The following LOXL2 variants were observed in gnomAD, a reference collection of about 807,000 sequenced individuals.
The protein encoded by LOXL2 is lysyl oxidase homolog 2.
Under a neutral mutation model 93.0 loss-of-function variants are expected in LOXL2, and 70 were observed. That is an observed-to-expected ratio of 0.75 (90% confidence interval 0.62 to 0.92). The LOEUF is 0.92. LOXL2 is among the 40% of genes least tolerant of loss of function. LOXL2 has a pLI of 0.00. For synonymous variants in LOXL2, 438 were observed against 413.2 expected (o/e 1.06, Z -0.73); for missense variants, 973 against 1,054.9 (o/e 0.92, Z 1.08).
At chr8:23,341,415 A>G in intron 3 of LOXL2, 1 of 587,954 alleles carries the variant, frequency 1.7e-6, no homozygotes, top group Non-Finnish European at 3.0e-6. Context: ...AGTGAGGCTG[A>G]AAGGACCCAA....
intron 1 of LOXL2, among the ~76,000 whole-genome samples, chr8:23,379,175 G>C (rs992376979): frequency 6.6e-6 from 1 of 152,218 alleles, no homozygotes; most frequent in African/African-American, 2.4e-5. Flanking sequence ...TCAGCTGCAG[G>C]TCTGTTGGAG....
At chr8:23,299,415 T>C (rs1473174814) in intron 12 of LOXL2, among the ~76,000 whole-genome samples, 2 of 152,148 alleles carry the variant, frequency 1.3e-5, no homozygotes, top group African/African-American at 4.8e-5. Flanking sequence ...TTCCTCTCTC[T>C]GTAAAGTGAC....
intron 4 of LOXL2, among the ~76,000 whole-genome samples, chr8:23,335,892 T>A (rs535354662): frequency 6.6e-6 from 1 of 152,328 alleles, no homozygotes; most frequent in East Asian, 1.9e-4. Flanking sequence ...ACAATTCTAG[T>A]GTGCTTGTGA....
chr8:23,321,853 G>T, intron 7 of LOXL2: 1 of 401,974 alleles, frequency 2.5e-6, no homozygotes, highest in Non-Finnish European at 4.5e-6. Context: ...GTCTTTGGAG[G>T]TGGTGGGGCA....
intron 1 of LOXL2, among the ~76,000 whole-genome samples, chr8:23,372,546 A>G (rs1037580358): frequency 6.6e-6 from 1 of 152,166 alleles, no homozygotes; most frequent in African/African-American, 2.4e-5. Flanking sequence ...CTTAGAAGAG[A>G]CACAGAGGCT....
intron 1 of LOXL2, among the ~76,000 whole-genome samples, chr8:23,383,481 A>G (rs1804708008): frequency 6.6e-6 from 1 of 152,084 alleles, no homozygotes; most frequent in African/African-American, 2.4e-5. Flanking sequence ...CCGAGTGAAT[A>G]AATATAAATT....
At chr8:23,383,283 G>A (rs1804705513) in intron 1 of LOXL2, among the ~76,000 whole-genome samples, 1 of 152,028 alleles carries the variant, frequency 6.6e-6, no homozygotes, top group South Asian at 2.1e-4. Context: ...TATATTAAGA[G>A]CCTCAATTTC....
chr8:23,309,074 T>C (rs1803279687), intron 10 of LOXL2, among the ~76,000 whole-genome samples: 1 of 151,146 alleles, frequency 6.6e-6, no homozygotes, highest in South Asian at 2.1e-4. Flanking sequence ...AACCTCCGCC[T>C]CCTGGGTTCA....
At chr8:23,320,320 T>C (rs10095102) in intron 7 of LOXL2, among the ~76,000 whole-genome samples, 110,390 of 152,190 alleles carry the variant, frequency 0.73, 40,192 homozygotes, top group Non-Finnish European at 0.76. Context: ...CTGCTCCCCA[T>C]GAGCCTATCA....
chr8:23,346,792 A>G (rs1325935369), intron 3 of LOXL2, among the ~76,000 whole-genome samples: 1 of 152,180 alleles, frequency 6.6e-6, no homozygotes, highest in African/African-American at 2.4e-5. Flanking sequence ...CTGTTCTAGA[A>G]GTCATAATTT....
intron 9 of LOXL2, among the ~76,000 whole-genome samples, chr8:23,310,370 T>C (rs1803305053): frequency 6.6e-6 from 1 of 152,274 alleles, no homozygotes; most frequent in African/African-American, 2.4e-5. Flanking sequence ...CTTGGTCTGC[T>C]GCTTCTGGGA....
Position 23,380,391 on chromosome 8 carries a change from C to CAAAAAAAAA in LOXL2, c.-83-11966_-83-11958dup, listed in dbSNP as rs1219621037. On this transcript the variant is annotated intron_variant, in intron 1 of 13. Transcript: ENST00000389131. ...CTCGTGACAGAGCGAGACTCCGTCT[C>CAAAAAAAAA]AAAAAAAAAAAAAAAAAAAAGACAT... 4.4e-4 allele frequency among the ~76,000 whole-genome samples: 24 copies of CAAAAAAAAA among 54,380 alleles called. 1 individual carries two copies. The East Asian group carries it at 0.011, about 24-fold the overall frequency. The allele number at this position is 54,380 out of a possible 152,430, so 35.7% of individuals were successfully genotyped here. A position where few individuals can be genotyped will look rare whatever the true frequency, so the allele number is the denominator to read the frequency against.
At chr8:23,352,599 G>A (rs551527641) in intron 3 of LOXL2, among the ~76,000 whole-genome samples, 2 of 152,204 alleles carry the variant, frequency 1.3e-5, no homozygotes, top group Admixed American at 6.5e-5. Context: ...GGGCAATGCT[G>A]AAACATTTGG....
In LOXL2 at chr8:23,356,561, C is replaced by G. The variant is rs888153040; in HGVS notation, c.531+3529G>C. 3.9e-5 allele frequency among the ~76,000 whole-genome samples: 6 copies of G among 152,172 alleles called. 1 individual carries two copies. Among genetic ancestry groups the G allele is most frequent in the Admixed American group, 6.5e-5 (1 of 15,284 alleles). On this transcript the variant is annotated intron_variant, in intron 3 of 13. Coordinates refer to ENST00000389131, the MANE Select transcript of LOXL2 (RefSeq NM_002318.3). ...CTTCTGGCAACTCAAGGAGGTTCTC[C>G]CCAGACATCCTGAGGTCTAGGCCCT...
At position 23,322,136 on chromosome 8, in the gene LOXL2, C is replaced by A; in HGVS notation, c.1296G>T (p.Gln432His). Reference sequence around the variant, plus strand: ...AGGTGTCCAGTCCCATCACCTTCTTCTGCAAGCCCATGGCAGGGGTGTTGC... The same window carrying A: ...AGGTGTCCAGTCCCATCACCTTCTTATGCAAGCCCATGGCAGGGGTGTTGC... ...VRCNTPAMGL[Q>H]KKLRLNGGRN... The change falls in exon 7 of 14, where the codon CAG becomes CAT. Residue 432 changes from glutamine (Q) to histidine (H), a missense_variant. Transcript: ENST00000389131. The A allele has an allele frequency of 1.2e-6, 2 of 1,614,134 alleles. No homozygotes were observed. The highest frequency in any genetic ancestry group is 2.2e-5 in the South Asian group (2 of 91,064).
At chr8:23,348,603 T>C (rs7462539) in intron 3 of LOXL2, among the ~76,000 whole-genome samples, 91,509 of 151,642 alleles carry the variant, frequency 0.6, 28,307 homozygotes, top group African/African-American at 0.75. Context: ...CTCGGCCGGG[T>C]GCGGTGGCTC....
intron 9 of LOXL2, among the ~76,000 whole-genome samples, chr8:23,316,145 G>A (rs1453025504): frequency 1.3e-5 from 2 of 152,240 alleles, no homozygotes; most frequent in East Asian, 1.9e-4. Flanking sequence ...CGCGTTCTCC[G>A]TGATGGCAGG....
chr8:23,355,753 G>C (rs1249773602), intron 3 of LOXL2, among the ~76,000 whole-genome samples: 2 of 151,338 alleles, frequency 1.3e-5, no homozygotes, highest in Non-Finnish European at 2.9e-5. Flanking sequence ...GGGACCACAG[G>C]CACATGCCAC....
intron 11 of LOXL2, among the ~76,000 whole-genome samples, chr8:23,302,953 G>A (rs1228189533): frequency 6.6e-6 from 1 of 152,300 alleles, no homozygotes; most frequent in East Asian, 1.9e-4. Flanking sequence ...GTTGGTGGCA[G>A]CCAGAGTGGG....
Sources: allele counts gnomAD v4.1 joint callset (sites outside exome capture counted in the v4.1 genomes callset), GRCh38; gene constraint gnomAD v4.1.1; transcripts MANE v1.5; gene names NCBI Gene and HGNC (gene_info 2026-07-23, HGNC 2026-07-21).